Variants in AURKA observed in about 807,000 individuals in gnomAD.
AURKA encodes the protein aurora kinase A.
Under a neutral mutation model 40.9 loss-of-function variants are expected in AURKA, and 12 were observed. The ratio of observed to expected loss-of-function variants is 0.29; its 90% CI spans 0.19 to 0.48. AURKA has a LOEUF of 0.48. Ranked by LOEUF, AURKA falls within the 20% of genes least tolerant of loss-of-function variation. The pLI, the probability that AURKA is intolerant of heterozygous loss-of-function variation, is 0.99. For synonymous variants in AURKA, 170 were observed against 164.3 expected (o/e 1.03, Z -0.26); for missense variants, 322 against 462.1 (o/e 0.70, Z 2.78).
chr20:56,380,453 G>C (rs989421812), intron 6 of AURKA, among the ~76,000 whole-genome samples: 2 of 151,692 alleles, frequency 1.3e-5, no homozygotes, highest in African/African-American at 4.8e-5. Context: ...TAGCTCAAGA[G>C]ATAAAATAAA....
chr20:56,381,435 T>C lies in AURKA; in HGVS notation c.703A>G (p.Thr235Ala). 6.2e-7 allele frequency: 1 copy of C among 1,612,674 alleles called. No homozygotes were observed. The highest frequency in any genetic ancestry group is 8.5e-7 in the Non-Finnish European group (1 of 1,179,894). The part of the protein sequence containing the change: ...LSKFDEQRTA[T>A]YITELANALS... Reference sequence around the variant, plus strand: ...CTGGACAATAAATGAACACTTACAGTAGCAGTTCTCTGCTCATCAAACTTT... The same window carrying C: ...CTGGACAATAAATGAACACTTACAGCAGCAGTTCTCTGCTCATCAAACTTT... The change falls in exon 6 of 9, where the codon ACT becomes GCT. Residue 235 changes from threonine (T) to alanine (A), a missense_variant and splice_region_variant. Transcript: ENST00000395915.
At position 56,379,973 on chromosome 20, in the gene AURKA, A is replaced by G. The variant is rs550970573; in HGVS notation, c.705+1460T>C. Among the ~76,000 whole-genome samples, 91 of 150,840 alleles carry G rather than the reference A, an allele frequency of 6.0e-4. 1 individual carries two copies. In the South Asian group the frequency reaches 0.018, roughly 30 times the overall value. ...GTGAGATTCCATCTCAAAAAAAGAA[A>G]AAAAAAAAAAGGAAGTGTAAAAACA... is the stretch of plus-strand genomic sequence containing the variant. On this transcript the variant is annotated intron_variant, in intron 6 of 8. Coordinates refer to ENST00000395915, the MANE Select transcript of AURKA (RefSeq NM_198437.3).
chr20:56,385,427 G>A (rs537034040), intron 3 of AURKA, among the ~76,000 whole-genome samples: 19 of 151,374 alleles, frequency 1.3e-4, no homozygotes, highest in South Asian at 1.0e-3. Flanking sequence ...TAAATCCAGC[G>A]TTCTACTCCA....
Position 56,384,290 on chromosome 20 carries a change from C to G in AURKA, c.354G>C (p.Gln118His). 6.2e-7 allele frequency: 1 copy of G among 1,601,198 alleles called. No individual in the cohort carries two copies. Among genetic ancestry groups the G allele is most frequent in the Non-Finnish European group, 8.6e-7 (1 of 1,169,522 alleles). The part of the protein sequence containing the change: ...NNPEEELASK[Q>H]KNEESKKRQW... ...CTTACTTTTTTGATTCTTCATTTTT[C>G]TGTTTTGATGCCAGTTCCTCCTCAG... The change falls in exon 4 of 9, where the codon CAG (glutamine) becomes CAC (histidine). Residue 118 changes from glutamine to histidine, a missense_variant. Physicochemically the swap from Gln to His is conservative, Grantham distance 24. Coordinates refer to ENST00000395915, the MANE Select transcript of AURKA (RefSeq NM_198437.3).
intron 6 of AURKA, among the ~76,000 whole-genome samples, chr20:56,379,820 GGT>G (rs1315874344): frequency 1.3e-5 from 2 of 151,750 alleles, no homozygotes; most frequent in Admixed American, 1.3e-4. Flanking sequence ...AAATGAGCCG[GGT>G]GTGGTGGTGC....
rs567107142 is a variant in AURKA at position 56,386,408 on chromosome 20, G to A, written c.168C>T (p.Arg56=). The A allele has an allele frequency of 2.5e-5, 41 of 1,614,116 alleles. No homozygotes were observed. Among genetic ancestry groups the A allele is most frequent in the Admixed American group, 2.2e-4 (13 of 60,006 alleles). ...RVLCPSNSSQ[R]IPLQAQKLVS... is the part of the protein sequence containing the mutation. ...CAAGCTTTTGTGCTTGCAAAGGAAT[G>A]CGCTGGGAAGAATTTGAAGGACACA... Residue 56 remains arginine, a synonymous_variant, in exon 3 of 9, where the codon CGC becomes CGT. Coordinates refer to ENST00000395915, the MANE Select transcript of AURKA (RefSeq NM_198437.3).
At chr20:56,384,548 G>A (rs925787263) in intron 3 of AURKA, among the ~76,000 whole-genome samples, 1 of 151,932 alleles carries the variant, frequency 6.6e-6, no homozygotes, top group African/African-American at 2.4e-5. Flanking sequence ...ATGAGCAGAC[G>A]TATATATAGA....
intron 6 of AURKA, among the ~76,000 whole-genome samples, chr20:56,375,043 C>T (rs543668614): frequency 3.3e-5 from 5 of 151,978 alleles, no homozygotes; most frequent in East Asian, 1.9e-4. Context: ...AGTAAAATTC[C>T]GTCTCAAAAA....
chr20:56,384,355 A>G (rs374752885), intron 3 of AURKA, 31 bp from the exon 4 acceptor site: 2 of 1,509,768 alleles, frequency 1.3e-6, no homozygotes, highest in African/African-American at 2.7e-5. Context: ...ACCTGTTTTT[A>G]GAATAACTAT....
At chr20:56,382,964 A>C (rs1985913761) in intron 5 of AURKA, 21 bp downstream of exon 5, 2 of 1,612,638 alleles carry the variant, frequency 1.2e-6, no homozygotes, top group Non-Finnish European at 1.7e-6. Flanking sequence ...CATTCTTTTG[A>C]ACATGAACCT....
At chr20:56,370,878 A>G (rs1984070927) in intron 7 of AURKA, among the ~76,000 whole-genome samples, 1 of 152,142 alleles carries the variant, frequency 6.6e-6, no homozygotes, top group Admixed American at 6.6e-5. Flanking sequence ...AATCTGTCCA[A>G]CTCCAGAACC....
At position 56,370,120 on chromosome 20, in the gene AURKA, G is replaced by A. The variant is rs754845385; in HGVS notation, c.*38C>T. The A allele has an allele frequency of 4.3e-6, 7 of 1,609,252 alleles. No individual in the cohort carries two copies. The highest frequency in any genetic ancestry group is 5.1e-6 in the Non-Finnish European group (6 of 1,177,502). ...TAGCATGTTCCTGTCAGGTTATATG[G>A]CAGCCCTGGCTCAAGGATTTCTCCC... On this transcript the variant is annotated 3_prime_UTR_variant, in exon 9 of 9. Transcript: ENST00000395915.
At chr20:56,386,009 AC>A (rs1452301318) in intron 3 of AURKA, among the ~76,000 whole-genome samples, 1 of 152,192 alleles carries the variant, frequency 6.6e-6, no homozygotes, top group African/African-American at 2.4e-5. Context: ...TCAAAAGGAC[AC>A]CAATTTATGC....
chr20:56,386,471 A>G lies in AURKA; in HGVS notation c.105T>C (p.Asn35=). 6.2e-7 allele frequency: 1 copy of G among 1,614,224 alleles called. No individual in the cohort carries two copies. The highest frequency in any genetic ancestry group is 8.5e-7 in the Non-Finnish European group (1 of 1,180,032). The change falls in exon 3 of 9, where the codon AAT becomes AAC. Residue 35 remains asparagine, a synonymous_variant. Transcript: ENST00000395915. ...VLVTQQFPCQ[N]PLPVNSGQAQ... is the part of the protein sequence containing the mutation. ...CCTGGCCACTATTTACAGGTAATGG[A>G]TTCTGACAAGGAAATTGCTGAGTCA... is the stretch of plus-strand genomic sequence containing the variant.
At chr20:56,372,904 A>G (rs1230397560) in intron 7 of AURKA, among the ~76,000 whole-genome samples, 1 of 152,240 alleles carries the variant, frequency 6.6e-6, no homozygotes, top group Admixed American at 6.5e-5. Flanking sequence ...TATCCCTACT[A>G]TTGACAGAGG....
intron 8 of AURKA, 37 bp from the exon 9 acceptor site, chr20:56,370,377 A>T (rs1022577152): frequency 1.2e-6 from 2 of 1,613,882 alleles, no homozygotes; most frequent in African/African-American, 2.7e-5. Flanking sequence ...CACAAAACAC[A>T]GGTTAGAGAG....
chr20:56,372,899 C>G (rs1383207578), intron 7 of AURKA, among the ~76,000 whole-genome samples: 1 of 152,202 alleles, frequency 6.6e-6, no homozygotes, highest in Non-Finnish European at 1.5e-5. Flanking sequence ...AGGACTATCC[C>G]TACTATTGAC....
intron 1 of AURKA, among the ~76,000 whole-genome samples, chr20:56,391,557 T>C (rs142379786): frequency 6.9e-6 from 1 of 143,980 alleles, no homozygotes; most frequent in Non-Finnish European, 1.5e-5. Flanking sequence ...GGTGGAGCTA[T>C]ATGTTTAACA....
intron 6 of AURKA, among the ~76,000 whole-genome samples, chr20:56,378,471 T>G (rs1985241390): frequency 6.6e-6 from 1 of 152,204 alleles, no homozygotes; most frequent in East Asian, 1.9e-4. Flanking sequence ...TTTGGAAGAC[T>G]GACAGTTCCT....
Sources: gnomAD v4.1 joint callset for allele counts (sites outside exome capture counted in the v4.1 genomes callset) on GRCh38, gnomAD v4.1.1 for gene constraint, MANE v1.5 for transcripts, NCBI Gene and HGNC (gene_info 2026-07-23, HGNC 2026-07-21) for gene names.